The following GNAS variants were observed in gnomAD, a reference collection of about 807,000 sequenced individuals.
The protein encoded by GNAS is protein ALEX.
In GNAS, 8 loss-of-function variants were observed where a neutral mutation model predicts 54.5. That is an observed-to-expected ratio of 0.15 (90% CI 0.09 to 0.26). The LOEUF is 0.26. Among genes scored for constraint, GNAS ranks in the 10% least tolerant of loss-of-function variants. GNAS has a pLI of 1.00. For synonymous variants in GNAS, 204 were observed against 191.4 expected, an observed-to-expected ratio of 1.07 and a Z score of -0.54; for missense variants, 170 against 529.8, an observed-to-expected ratio of 0.32 and a Z score of 6.67.
chr20:58,853,985 G>A lies in GNAS; in HGVS notation c.43+13099G>A, dbSNP rs772800929. The A allele has an allele frequency of 3.1e-6, 5 of 1,611,942 alleles. No homozygotes were observed. Among genetic ancestry groups the A allele is most frequent in the Admixed American group, 3.3e-5 (2 of 59,954 alleles). On this transcript the variant is annotated intron_variant, in intron 1 of 12. Coordinates refer to the GNAS transcript ENST00000306090. This position sits in a 1 kb window ranked among gnomAD's most constrained non-coding sequence, Gnocchi z 4.4. ...GATTTGGGGACGACAGCCCACCCCCGGGGCTTTCCCGAGTTATCGCACAAG... is the reference window on the plus strand; with the variant it reads ...GATTTGGGGACGACAGCCCACCCCCAGGGCTTTCCCGAGTTATCGCACAAG...
intron 1 of GNAS, among the ~76,000 whole-genome samples, chr20:58,845,575 T>C (rs749129103): frequency 6.6e-6 from 1 of 152,164 alleles, no homozygotes; most frequent in Non-Finnish European, 1.5e-5. Context: ...AATTAAGTGA[T>C]GTAGCACCCA....
intron 1 of GNAS, among the ~76,000 whole-genome samples, chr20:58,866,307 G>A (rs538093148): frequency 1.3e-5 from 2 of 152,258 alleles, no homozygotes; most frequent in South Asian, 4.2e-4. Context: ...TGGAAGGAAC[G>A]GCTCTGAATG....
At chr20:58,884,926 G>C (rs1352614129) in intron 1 of GNAS, 1 of 152,242 alleles carries the variant, frequency 6.6e-6, no homozygotes, top group Non-Finnish European at 1.5e-5. Flanking sequence ...GCTGCCGCCT[G>C]TGTTCTGCTG....
chr20:58,890,886 C>A (rs1389401981), upstream of GNAS: 4 of 152,412 alleles, frequency 2.6e-5, no homozygotes, highest in Non-Finnish European at 4.4e-5. Flanking sequence ...TTTCCACACT[C>A]CTGCTCTCTG....
intron 1 of GNAS, among the ~76,000 whole-genome samples, chr20:58,894,958 T>G (rs546764203): frequency 6.6e-6 from 1 of 152,316 alleles, no homozygotes; most frequent in Admixed American, 6.5e-5. Flanking sequence ...GAATTTATCT[T>G]TAGAAAGATA....
rs1447017888 is a variant in GNAS at position 58,891,571 on chromosome 20, G to A, written c.-156G>A. 8.2e-6 allele frequency: 8 copies of A among 970,214 alleles called. No individual in the cohort carries two copies. The highest frequency in any genetic ancestry group is 9.7e-6 in the Non-Finnish European group (8 of 821,404). 60.1% of individuals were successfully genotyped at this position (970,214 alleles called of 1,614,324 possible). On this transcript the variant is annotated 5_prime_UTR_variant, in exon 1 of 13. Transcript: ENST00000371085. ...CGCCCGTCCGCGCGCCCCGCGGCCCGCGGCCCGCAGTCCGCCCCGCGCGCT... is the reference window on the plus strand; with the variant it reads ...CGCCCGTCCGCGCGCCCCGCGGCCCACGGCCCGCAGTCCGCCCCGCGCGCT...
intron 1 of GNAS, chr20:58,892,184 A>C (rs2089481698): frequency 1.0e-6 from 1 of 957,870 alleles, no homozygotes. Flanking sequence ...TTTTTCCGCG[A>C]GGCCTACACG....
chr20:58,840,311 C>G (rs187415363), upstream of GNAS: 2 of 1,612,754 alleles, frequency 1.2e-6, no homozygotes, highest in South Asian at 1.1e-5. This position sits in a 1 kb window ranked among gnomAD's most constrained non-coding sequence, Gnocchi z 6.0. Flanking sequence ...TAACGCCCAC[C>G]ACCGCTCCGG....
intron 2 of GNAS, among the ~76,000 whole-genome samples, chr20:58,896,022 A>G (rs928415846): frequency 1.3e-5 from 2 of 152,164 alleles, no homozygotes; most frequent in Non-Finnish European, 1.5e-5. Context: ...CAGTCTTCGG[A>G]CATCACTGCA....
chr20:58,901,833 C>G (rs2090630489), intron 3 of GNAS, among the ~76,000 whole-genome samples: 1 of 139,370 alleles, frequency 7.2e-6, no homozygotes, highest in South Asian at 2.8e-4. Flanking sequence ...ACCCCACCGT[C>G]CGTCCCCGCC....
At chr20:58,899,838 G>GT (rs2090449432) in intron 3 of GNAS, 1 of 694,140 alleles carries the variant, frequency 1.4e-6, no homozygotes, top group African/African-American at 1.8e-5. Flanking sequence ...CATTGACTTA[G>GT]TTTAGGGCAT....
At chr20:58,895,747 A>G in intron 2 of GNAS, 63 bp downstream of exon 2, 3 of 956,846 alleles carry the variant, frequency 3.1e-6, no homozygotes, top group Non-Finnish European at 5.1e-6. Flanking sequence ...ACTAACCTTT[A>G]GGAAGTATAG....
intron 1 of GNAS, chr20:58,854,204 C>T: frequency 6.2e-7 from 1 of 1,613,102 alleles, no homozygotes; most frequent in Non-Finnish European, 8.5e-7. Flanking sequence ...AGATTGGCAG[C>T]GCCCCCGCTG....
chr20:58,862,125 C>T (rs1223209306), intron 1 of GNAS, among the ~76,000 whole-genome samples: 1 of 151,984 alleles, frequency 6.6e-6, no homozygotes, highest in Non-Finnish European at 1.5e-5. Flanking sequence ...TATAAGTACC[C>T]CAAAACATGT....
At chr20:58,860,077 C>G (rs1013465989) in intron 1 of GNAS, among the ~76,000 whole-genome samples, 1 of 152,288 alleles carries the variant, frequency 6.6e-6, no homozygotes, top group Non-Finnish European at 1.5e-5. Flanking sequence ...CTTAAAATCC[C>G]TTGCCAAATG....
chr20:58,890,214 AAGG>A (rs2089024144), upstream of GNAS, among the ~76,000 whole-genome samples: 1 of 150,786 alleles, frequency 6.6e-6, no homozygotes, highest in South Asian at 2.1e-4. Context: ...GAAGAAGAAG[AAGG>A]TGCCAGAAGC....
At chr20:58,887,145 T>C (rs1422713758), upstream of GNAS, among the ~76,000 whole-genome samples, 1 of 152,236 alleles carries the variant, frequency 6.6e-6, no homozygotes, top group African/African-American at 2.4e-5. Flanking sequence ...ATAAGGAGGC[T>C]CTTCATTATA....
chr20:58,850,811 G>A, intron 1 of GNAS: 1 of 398,814 alleles, frequency 2.5e-6, no homozygotes, highest in East Asian at 3.6e-5. Context: ...GGTCCTCGTG[G>A]TCTTCCAGGC....
rs979683308 is a variant in GNAS at position 58,863,765 on chromosome 20, T to G, written c.43+22879T>G. The G allele has an allele frequency of 2.4e-4, 36 of 152,768 alleles. No homozygotes were observed. The highest frequency in any genetic ancestry group is 8.4e-4 in the African/African-American group (35 of 41,576). The allele number at this position is 152,768 out of a possible 1,614,324, so 9.5% of individuals were successfully genotyped here. ...CTCCCCCTCCATCAAAAGACCACAC[T>G]ATCTCTCTCCTCTTTTCCATTTGAA... On this transcript the variant is annotated intron_variant, in intron 1 of 12. Transcript: ENST00000306090. The surrounding 1 kb of genome is among the most constrained non-coding windows in gnomAD (Gnocchi z 4.1).
Sources: allele counts gnomAD v4.1 joint callset (sites outside exome capture counted in the v4.1 genomes callset), GRCh38; gene constraint gnomAD v4.1.1; non-coding constraint Gnocchi (gnomAD v3.1); transcripts MANE v1.5; gene names NCBI Gene and HGNC (gene_info 2026-07-23, HGNC 2026-07-21).